Variants in MAOB observed in about 807,000 individuals in gnomAD.
MAOB encodes the protein amine oxidase [flavin-containing] B.
MAOB carries 15 observed loss-of-function variants against 41.9 expected under a neutral mutation model. The ratio of observed to expected loss-of-function variants is 0.36; its 90% CI spans 0.24 to 0.55. The LOEUF (loss-of-function observed/expected upper bound fraction) is 0.55, where lower values mean the gene tolerates loss of function less well. MAOB is among the 20% of genes least tolerant of loss of function. The pLI, the probability that MAOB is intolerant of heterozygous loss-of-function variation, is 0.86. For synonymous variants in MAOB, 167 were observed against 144.2 expected (o/e 1.16, Z -1.13); for missense variants, 345 against 398.7 (o/e 0.87, Z 1.15).
Position 43,803,375 on chromosome X carries a change from G to A in MAOB, c.309C>T (p.Phe103=). Residue 103 remains phenylalanine (F), a synonymous_variant, in exon 4 of 15, where the codon TTC becomes TTT. Coordinates refer to ENST00000378069, the MANE Select transcript of MAOB (RefSeq NM_000898.5). ...AGGTAATTGGATTCCATACAGGTGGGAATGGCCCCCTGAAGGGGTATGATT... is the reference window on the plus strand; with the variant it reads ...AGGTAATTGGATTCCATACAGGTGGAAATGGCCCCCTGAAGGGGTATGATT... The part of the protein sequence containing the change: ...KGKSYPFRGP[F]PPVWNPITYL... 2 of 1,176,798 alleles carry A rather than the reference G, an allele frequency of 1.7e-6. No individual in the cohort carries two copies. Among genetic ancestry groups the A allele is most frequent in the Non-Finnish European group, 1.1e-6 (1 of 883,582 alleles).
In MAOB at chrX:43,793,567, C is replaced by A. The variant is rs267606458; in HGVS notation, c.780G>T (p.Val260=). The A allele has an allele frequency of 8.3e-7, 1 of 1,198,219 alleles. No homozygotes were observed. The highest frequency in any genetic ancestry group is 1.9e-5 in the South Asian group (1 of 54,013). ...CCAGAGTAGGAGGAATAGCACTAATCACATATTTAGCCTGAAAGAAAAGCA... is the reference window on the plus strand; with the variant it reads ...CCAGAGTAGGAGGAATAGCACTAATAACATATTTAGCCTGAAAGAAAAGCA... ...LNHEMYEAKY[V]ISAIPPTLGM... is the part of the protein sequence containing the mutation. The change falls in exon 8 of 15, where the codon GTG becomes GTT. Residue 260 remains valine, a synonymous_variant. Coordinates refer to ENST00000378069, the MANE Select transcript of MAOB (RefSeq NM_000898.5).
intron 2 of MAOB, among the ~76,000 whole-genome samples, chrX:43,840,893 G>GTTAT (rs2147164297): frequency 1.1e-5 from 1 of 92,106 alleles, no homozygotes; most frequent in South Asian, 5.4e-4. Context: ...AGCTGCAGGA[G>GTTAT]TTTTTTTTTT....
intron 1 of MAOB, among the ~76,000 whole-genome samples, chrX:43,857,102 TATATATATATATATAGAGAGAGAG>T (rs1213561211): frequency 2.9e-4 from 7 of 23,771 alleles, no homozygotes; most frequent in African/African-American, 3.6e-4. Flanking sequence ...TATATATATA[TATATATATATATATAGAGAGAGAG>T]AGAGAGAGAG....
chrX:43,781,685 A>G (rs747975470), intron 8 of MAOB, 141 bp from the exon 9 acceptor site: 3 of 343,904 alleles, frequency 8.7e-6, no homozygotes, highest in South Asian at 1.8e-4. Context: ...ATGAAGGCAA[A>G]CCAAACTGAT....
chrX:43,779,123 T>C (rs2034297937), intron 10 of MAOB, among the ~76,000 whole-genome samples: 1 of 111,933 alleles, frequency 8.9e-6, no homozygotes, highest in African/African-American at 3.2e-5. Context: ...TTCTGTCTTT[T>C]TCTTTGTTTT....
intron 2 of MAOB, among the ~76,000 whole-genome samples, chrX:43,840,012 G>A (rs2035115292): frequency 8.9e-6 from 1 of 112,117 alleles, no homozygotes; most frequent in South Asian, 3.7e-4. Flanking sequence ...ATTGGAGTAG[G>A]AAGGGATGAG....
intron 3 of MAOB, among the ~76,000 whole-genome samples, chrX:43,831,359 T>G (rs184997865): frequency 1.8e-4 from 20 of 111,493 alleles, no homozygotes; most frequent in Admixed American, 6.7e-4. Flanking sequence ...TATAAAATGT[T>G]TTGGCAGTAC....
intron 3 of MAOB, among the ~76,000 whole-genome samples, chrX:43,805,363 A>G (rs976157966): frequency 9.0e-5 from 10 of 111,726 alleles, no homozygotes; most frequent in African/African-American, 2.3e-4. Context: ...GTTATGACAC[A>G]TGTGTACACC....
intron 8 of MAOB, among the ~76,000 whole-genome samples, chrX:43,793,065 G>T (rs2034482353): frequency 8.9e-6 from 1 of 112,103 alleles, no homozygotes; most frequent in Non-Finnish European, 1.9e-5. Flanking sequence ...TATCCTAAGT[G>T]AATCAATGTA....
At chrX:43,844,009 A>C (rs746652057) in intron 1 of MAOB, 7 of 766,454 alleles carry the variant, frequency 9.1e-6, no homozygotes, top group Non-Finnish European at 1.2e-5. Flanking sequence ...CACTATATCA[A>C]AATGTCTATT....
chrX:43,772,871 G>A (rs965674234), intron 12 of MAOB, among the ~76,000 whole-genome samples: 6 of 111,419 alleles, frequency 5.4e-5, no homozygotes, highest in Admixed American at 9.5e-5. Flanking sequence ...TCCTGCTTTC[G>A]CCATGTGACT....
At chrX:43,807,530 A>C (rs1201356753) in intron 3 of MAOB, among the ~76,000 whole-genome samples, 1 of 112,447 alleles carries the variant, frequency 8.9e-6, no homozygotes. Flanking sequence ...CTGCAAGAGC[A>C]TGGGCTCTGG....
chrX:43,805,917 T>C (rs1274072403), intron 3 of MAOB, among the ~76,000 whole-genome samples: 1 of 112,680 alleles, frequency 8.9e-6, no homozygotes, highest in Admixed American at 9.4e-5. Context: ...ATCAGAATAC[T>C]GACACTTGCT....
At chrX:43,794,234 C>T (rs1488863147) in intron 7 of MAOB, among the ~76,000 whole-genome samples, 1 of 111,367 alleles carries the variant, frequency 9.0e-6, no homozygotes, top group Non-Finnish European at 1.9e-5. Context: ...CACCTCAGTG[C>T]CTTGGCACTG....
intron 8 of MAOB, among the ~76,000 whole-genome samples, chrX:43,787,590 T>C (rs1321967364): frequency 8.9e-6 from 1 of 112,367 alleles, no homozygotes; most frequent in East Asian, 2.8e-4. Flanking sequence ...TTCAAATGTT[T>C]TATAGTTACA....
At chrX:43,853,960 A>G (rs960584835) in intron 1 of MAOB, among the ~76,000 whole-genome samples, 4 of 112,552 alleles carry the variant, frequency 3.6e-5, no homozygotes, top group Admixed American at 1.9e-4. Context: ...GCCAACTAAT[A>G]TACATGGGAA....
chrX:43,830,580 A>T (rs182182734), intron 3 of MAOB, among the ~76,000 whole-genome samples: 44 of 112,050 alleles, frequency 3.9e-4, no homozygotes, highest in Admixed American at 3.3e-3. Flanking sequence ...ATAATACTGG[A>T]TTTTAAGGGG....
intron 1 of MAOB, among the ~76,000 whole-genome samples, chrX:43,845,619 C>T (rs766928287): frequency 8.9e-6 from 1 of 111,953 alleles, no homozygotes; most frequent in African/African-American, 3.2e-5. Flanking sequence ...CTGTCTTCCC[C>T]GGACCCCCAT....
At chrX:43,868,982 C>T (rs990132948) in intron 1 of MAOB, among the ~76,000 whole-genome samples, 1 of 110,755 alleles carries the variant, frequency 9.0e-6, no homozygotes, top group Non-Finnish European at 1.9e-5. Context: ...AGCAGACAGA[C>T]GGGGATAGAA....
Sources: allele counts gnomAD v4.1 joint callset (sites outside exome capture counted in the v4.1 genomes callset), GRCh38; gene constraint gnomAD v4.1.1; transcripts MANE v1.5; gene names NCBI Gene and HGNC (gene_info 2026-07-23, HGNC 2026-07-21).